Variants in CNGB3 observed in about 807,000 individuals in gnomAD.
The protein encoded by CNGB3 is cyclic nucleotide gated channel subunit beta 3, also known as cyclic nucleotide-gated channel beta-3.
A neutral mutation model predicts 92.8 loss-of-function variants in CNGB3; 86 were observed. That is an observed-to-expected ratio of 0.93 (90% CI 0.78 to 1.11). The LOEUF is 1.11. Ranked by LOEUF, CNGB3 falls within the 50% of genes least tolerant of loss-of-function variation. The pLI, the probability that CNGB3 is intolerant of heterozygous loss-of-function variation, is 0.00. For synonymous variants in CNGB3, 333 were observed against 332.7 expected (o/e 1.00, Z -0.01); for missense variants, 1,026 against 956.8 (o/e 1.07, Z -0.95).
intron 8 of CNGB3, among the ~76,000 whole-genome samples, chr8:86,644,909 G>A (rs9642925): frequency 0.11 from 16,371 of 150,926 alleles, 1,062 homozygotes; most frequent in Admixed American, 0.21. Flanking sequence ...TTGCTACCCT[G>A]TAGTTATAGT....
intron 3 of CNGB3, among the ~76,000 whole-genome samples, chr8:86,686,719 T>C (rs1824195425): frequency 6.6e-6 from 1 of 152,026 alleles, no homozygotes; most frequent in Non-Finnish European, 1.5e-5. Flanking sequence ...TTCTTAAACT[T>C]TTGACTCAGG....
At chr8:86,604,434 G>C (rs1487679563) in intron 14 of CNGB3, among the ~76,000 whole-genome samples, 2 of 152,172 alleles carry the variant, frequency 1.3e-5, no homozygotes, top group Non-Finnish European at 2.9e-5. Flanking sequence ...CAACACGTGA[G>C]TACTGTTTGC....
chr8:86,729,024 C>T (rs1163982855), intron 2 of CNGB3, among the ~76,000 whole-genome samples: 2 of 152,138 alleles, frequency 1.3e-5, no homozygotes, highest in African/African-American at 2.4e-5. Flanking sequence ...GATTCTCCCA[C>T]CTCAGCCTCA....
In CNGB3 at chr8:86,632,757, C is replaced by T. The variant is rs201825105; in HGVS notation, c.1315G>A (p.Gly439Ser). Reference protein sequence around the residue: ...SGVFVFSSLIGQMRDVIGAAT... With the variant: ...SGVFVFSSLISQMRDVIGAAT... ...GTGATTCATACTCAGCTTACCTGAC[C>T]AATTAAACTGGAGAACACAAAAACT... Residue 439 changes from glycine to serine, a missense_variant, in exon 11 of 18, where the codon GGT becomes AGT. Coordinates refer to ENST00000320005, the MANE Select transcript of CNGB3 (RefSeq NM_019098.5). The T allele has an allele frequency of 1.4e-5, 23 of 1,612,912 alleles. No homozygotes were observed. Among genetic ancestry groups the T allele is most frequent in the Non-Finnish European group, 1.9e-5 (23 of 1,179,706 alleles).
chr8:86,726,322 A>G (rs1324569760), intron 3 of CNGB3, among the ~76,000 whole-genome samples: 1 of 152,010 alleles, frequency 6.6e-6, no homozygotes, highest in African/African-American at 2.4e-5. Context: ...CTGCCTAGGG[A>G]TATTGGTTAG....
intron 17 of CNGB3, among the ~76,000 whole-genome samples, chr8:86,577,764 G>A (rs1821686264): frequency 5.3e-5 from 8 of 152,138 alleles, no homozygotes; most frequent in Admixed American, 5.2e-4. Flanking sequence ...GCACATCACA[G>A]CATTTTGGCA....
intron 3 of CNGB3, among the ~76,000 whole-genome samples, chr8:86,714,939 C>A (rs193033632): frequency 3.2e-4 from 48 of 152,146 alleles, no homozygotes; most frequent in Non-Finnish European, 1.0e-4. Flanking sequence ...GAATATAACT[C>A]CTTTGGCCTG....
At chr8:86,677,917 G>A (rs1372171) in intron 3 of CNGB3, among the ~76,000 whole-genome samples, 135,901 of 152,226 alleles carry the variant, frequency 0.89, 60,951 homozygotes, top group East Asian at 1. Context: ...TTGAATTTCT[G>A]TTCATTATTT....
intron 15 of CNGB3, chr8:86,593,819 G>A: frequency 8.2e-7 from 1 of 1,218,740 alleles, no homozygotes; most frequent in Non-Finnish European, 1.2e-6. Context: ...GTCCACATCT[G>A]TCAGGTCAGG....
chr8:86,603,001 C>G (rs1294287411), intron 15 of CNGB3, among the ~76,000 whole-genome samples: 1 of 152,210 alleles, frequency 6.6e-6, no homozygotes, highest in Non-Finnish European at 1.5e-5. Context: ...CTTGACCAGA[C>G]AAACTTGCTT....
At chr8:86,655,052 T>G (rs756019246) in intron 6 of CNGB3, among the ~76,000 whole-genome samples, 2 of 152,190 alleles carry the variant, frequency 1.3e-5, no homozygotes, top group African/African-American at 4.8e-5. Context: ...GCCAAACTGC[T>G]GCTCCTCCTG....
At chr8:86,583,921 CAAAAAAAAAAAAAA>C (rs71574285) in intron 15 of CNGB3, among the ~76,000 whole-genome samples, 1 of 61,184 alleles carries the variant, frequency 1.6e-5, no homozygotes, top group Non-Finnish European at 2.8e-5. Flanking sequence ...GACCTTGTCT[CAAAAAAAAAAAAAA>C]AAAAAAAAAA....
chr8:86,590,631 T>G (rs1234197967), intron 15 of CNGB3, among the ~76,000 whole-genome samples: 53 of 151,856 alleles, frequency 3.5e-4, no homozygotes, highest in Non-Finnish European at 6.3e-4. Flanking sequence ...AATTCTTGGT[T>G]GAAAATTCTT....
At chr8:86,594,070 G>GCCCAGA in intron 15 of CNGB3, 1 of 338,350 alleles carries the variant, frequency 3.0e-6, no homozygotes, top group Non-Finnish European at 5.9e-6. Context: ...GCCCAGTTTT[G>GCCCAGA]TGCTGTATCC....
intron 15 of CNGB3, among the ~76,000 whole-genome samples, chr8:86,597,866 T>C: frequency 6.6e-6 from 1 of 152,074 alleles, no homozygotes; most frequent in Non-Finnish European, 1.5e-5. Flanking sequence ...TAATCCCAGT[T>C]ACTTGGGAGA....
At chr8:86,628,543 T>G (rs1325067131) in intron 12 of CNGB3, among the ~76,000 whole-genome samples, 1 of 152,192 alleles carries the variant, frequency 6.6e-6, no homozygotes, top group East Asian at 1.9e-4. Flanking sequence ...CTATTTAGAC[T>G]GTGTGCTGGC....
intron 10 of CNGB3, among the ~76,000 whole-genome samples, chr8:86,638,272 T>C (rs1303977142): frequency 6.6e-6 from 1 of 152,138 alleles, no homozygotes; most frequent in Non-Finnish European, 1.5e-5. Context: ...AGGGTAGTTG[T>C]GTTTAGTTGT....
intron 7 of CNGB3, among the ~76,000 whole-genome samples, chr8:86,651,806 T>C (rs944625805): frequency 3.3e-5 from 5 of 151,942 alleles, no homozygotes; most frequent in African/African-American, 1.2e-4. Context: ...GGGGTTGAAA[T>C]AGGAGTAAGA....
intron 6 of CNGB3, among the ~76,000 whole-genome samples, chr8:86,663,398 G>T (rs1823683117): frequency 6.6e-6 from 1 of 152,136 alleles, no homozygotes; most frequent in African/African-American, 2.4e-5. Context: ...TGTTATCTTT[G>T]TAGCACCACT....
Sources: gnomAD v4.1 joint callset for allele counts (sites outside exome capture counted in the v4.1 genomes callset) on GRCh38, gnomAD v4.1.1 for gene constraint, MANE v1.5 for transcripts, NCBI Gene and HGNC (gene_info 2026-07-23, HGNC 2026-07-21) for gene names.